MGMT: variants seen among roughly 807,000 people sequenced by gnomAD.
The protein encoded by MGMT is methylated-DNA--protein-cysteine methyltransferase.
MGMT carries 14 observed loss-of-function variants against 15.9 expected under a neutral mutation model. The ratio of observed to expected loss-of-function variants is 0.88; its 90% CI spans 0.58 to 1.37. The LOEUF is 1.37. MGMT is among the 40% of genes most tolerant of loss of function. The pLI is 0.00. For synonymous variants in MGMT, 130 were observed against 118.2 expected (o/e 1.10, Z -0.65); for missense variants, 282 against 268.1 (o/e 1.05, Z -0.36).
At chr10:129,667,415 T>C (rs145970649) in intron 2 of MGMT, among the ~76,000 whole-genome samples, 74 of 152,336 alleles carry the variant, frequency 4.9e-4, no homozygotes, top group African/African-American at 1.8e-3. Flanking sequence ...TAATCCAGTG[T>C]TATGTTTGGG....
At chr10:129,477,979 C>G (rs1845314541) in intron 1 of MGMT, among the ~76,000 whole-genome samples, 1 of 152,150 alleles carries the variant, frequency 6.6e-6, no homozygotes, top group Non-Finnish European at 1.5e-5. Flanking sequence ...AAGTAACAAA[C>G]AGAAACCCAG....
chr10:129,727,019 CAT>C (rs1409867775), intron 3 of MGMT, among the ~76,000 whole-genome samples: 1 of 152,182 alleles, frequency 6.6e-6, no homozygotes, highest in Non-Finnish European at 1.5e-5. Context: ...TCAGTGAAGT[CAT>C]AGATGAAGTT....
chr10:129,689,582 C>G (rs767787342), intron 2 of MGMT, among the ~76,000 whole-genome samples: 1 of 152,158 alleles, frequency 6.6e-6, no homozygotes, highest in Non-Finnish European at 1.5e-5. Flanking sequence ...GGAGCAGGTC[C>G]TTCGGTTACC....
chr10:129,705,958 G>T (rs1005892950), intron 2 of MGMT, among the ~76,000 whole-genome samples: 2 of 152,212 alleles, frequency 1.3e-5, no homozygotes, highest in Non-Finnish European at 2.9e-5. Context: ...TGGGGTTGGA[G>T]CTGAGAGTCA....
intron 2 of MGMT, among the ~76,000 whole-genome samples, chr10:129,649,231 C>T (rs1173065298): frequency 1.3e-5 from 2 of 152,152 alleles, no homozygotes; most frequent in Non-Finnish European, 2.9e-5. Flanking sequence ...GCAGCCAGGT[C>T]ATCTCAGGGG....
At chr10:129,711,653 T>G (rs1327589377) in intron 3 of MGMT, among the ~76,000 whole-genome samples, 1 of 152,222 alleles carries the variant, frequency 6.6e-6, no homozygotes, top group African/African-American at 2.4e-5. Flanking sequence ...TTTTTGGCTT[T>G]TTTGGTTTGC....
chr10:129,558,990 G>A (rs988788161), intron 2 of MGMT, among the ~76,000 whole-genome samples: 2 of 152,214 alleles, frequency 1.3e-5, no homozygotes, highest in Non-Finnish European at 2.9e-5. Flanking sequence ...GGGATTCAGA[G>A]ACGCAGTGCT....
intron 1 of MGMT, among the ~76,000 whole-genome samples, chr10:129,492,229 GAT>G (rs1418520053): frequency 1.1e-4 from 16 of 152,124 alleles, no homozygotes; most frequent in Non-Finnish European, 1.5e-5. Flanking sequence ...ATGGTCTTTT[GAT>G]TGGAAGCCCA....
chr10:129,552,668 C>A (rs1409554659), intron 2 of MGMT, among the ~76,000 whole-genome samples: 2 of 152,184 alleles, frequency 1.3e-5, no homozygotes, highest in Non-Finnish European at 2.9e-5. Flanking sequence ...TGAAAGACTG[C>A]CTTGCCCGAG....
chr10:129,596,161 G>A (rs566950546), intron 2 of MGMT, among the ~76,000 whole-genome samples: 2 of 151,696 alleles, frequency 1.3e-5, no homozygotes, highest in African/African-American at 4.8e-5. Flanking sequence ...CATTATGTGA[G>A]TTTTAGCATG....
Position 129,769,702 on chromosome 10 carries a change from C to A in MGMT, c.*2705C>A, listed in dbSNP as rs1848979978. Reference sequence around the variant, plus strand: ...AGTTTTGTGAGGGGTTGTCCTTCTCCCAGTCTCTCTTCCCGCTGGGAACAG... The same window carrying A: ...AGTTTTGTGAGGGGTTGTCCTTCTCACAGTCTCTCTTCCCGCTGGGAACAG... On this transcript the variant is annotated 3_prime_UTR_variant, in exon 5 of 5. Coordinates refer to ENST00000651593, the MANE Select transcript of MGMT (RefSeq NM_002412.5). Among the ~76,000 whole-genome samples the A allele has an allele frequency of 6.6e-6, 1 of 152,184 alleles. No individual in the cohort carries two copies. Among genetic ancestry groups the A allele is most frequent in the Non-Finnish European group, 1.5e-5 (1 of 68,042 alleles).
intron 1 of MGMT, among the ~76,000 whole-genome samples, chr10:129,535,390 C>T (rs940424097): frequency 2.0e-5 from 3 of 151,952 alleles, no homozygotes; most frequent in East Asian, 1.9e-4. Context: ...AGCAAGACCT[C>T]GTCTCTAAAA....
intron 2 of MGMT, among the ~76,000 whole-genome samples, chr10:129,572,144 T>C (rs956308698): frequency 2.6e-5 from 4 of 152,162 alleles, no homozygotes; most frequent in Admixed American, 2.6e-4. Flanking sequence ...GGTGCAGATA[T>C]GGGAGTTTTA....
intron 2 of MGMT, among the ~76,000 whole-genome samples, chr10:129,641,242 G>A (rs2133090014): frequency 6.6e-6 from 1 of 152,260 alleles, no homozygotes; most frequent in Admixed American, 6.5e-5. Context: ...ATGTGCAGTA[G>A]TTCATGTCCA....
At chr10:129,761,561 T>A (rs1848873807) in intron 4 of MGMT, among the ~76,000 whole-genome samples, 1 of 152,248 alleles carries the variant, frequency 6.6e-6, no homozygotes, top group Admixed American at 6.5e-5. Flanking sequence ...GACTCTCTTC[T>A]CCTGCTATTA....
intron 1 of MGMT, among the ~76,000 whole-genome samples, chr10:129,516,449 C>T (rs898468678): frequency 6.6e-6 from 1 of 152,160 alleles, no homozygotes; most frequent in East Asian, 1.9e-4. Context: ...CAGGTGTGTC[C>T]CTCCTCTTAC....
intron 2 of MGMT, among the ~76,000 whole-genome samples, chr10:129,620,825 G>A (rs554450251): frequency 2.6e-5 from 4 of 152,126 alleles, no homozygotes; most frequent in African/African-American, 4.8e-5. Context: ...TTAGTCTGCC[G>A]TTTTGCTGAT....
At chr10:129,729,273 C>T (rs981585878) in intron 3 of MGMT, among the ~76,000 whole-genome samples, 6 of 152,310 alleles carry the variant, frequency 3.9e-5, no homozygotes, top group Middle Eastern at 3.4e-3. Flanking sequence ...GATGGTGTTA[C>T]CCACTGCACA....
At position 129,576,449 on chromosome 10, in the gene MGMT, A is replaced by G. The variant is rs565934507; in HGVS notation, c.125+40072A>G. 2.5e-3 allele frequency among the ~76,000 whole-genome samples: 380 copies of G among 152,340 alleles called. 2 individuals carry two copies. Among genetic ancestry groups the G allele is most frequent in the Non-Finnish European group, 4.3e-3 (292 of 68,038 alleles). On this transcript the variant is annotated intron_variant, in intron 2 of 4. Coordinates refer to ENST00000651593, the MANE Select transcript of MGMT (RefSeq NM_002412.5). ...AAGACAAAAACCACATGATTATCTC[A>G]ATAGATGCAGAAAAGACCTTTGACA...
Sources: gnomAD v4.1 joint callset for allele counts (sites outside exome capture counted in the v4.1 genomes callset) on GRCh38, gnomAD v4.1.1 for gene constraint, MANE v1.5 for transcripts, NCBI Gene and HGNC (gene_info 2026-07-23, HGNC 2026-07-21) for gene names.